The following NRXN3 variants were observed in gnomAD, a reference collection of about 807,000 sequenced individuals.
NRXN3 encodes the protein neurexin 3, also known as neurexin III.
NRXN3 carries 32 observed loss-of-function variants against 137.6 expected under a neutral mutation model. That is an observed-to-expected ratio of 0.23 (90% CI 0.18 to 0.31). The LOEUF is 0.31. NRXN3 is among the 10% of genes least tolerant of loss of function. The pLI is 1.00. For synonymous variants in NRXN3, 798 were observed against 784.5 expected (o/e 1.02, Z -0.29); for missense variants, 1,574 against 2,062.5 (o/e 0.76, Z 4.59).
intron 6 of NRXN3, among the ~76,000 whole-genome samples, chr14:78,688,553 A>G (rs186257735): frequency 1.3e-5 from 2 of 152,262 alleles, no homozygotes; most frequent in South Asian, 2.1e-4. Flanking sequence ...GTCATAGACA[A>G]CTTTTGGAAG....
chr14:79,064,779 A>G (rs11627039), intron 15 of NRXN3, among the ~76,000 whole-genome samples: 1 of 132,882 alleles, frequency 7.5e-6, no homozygotes, highest in Non-Finnish European at 1.6e-5. Context: ...GTATGTGTGT[A>G]TATATATATA....
chr14:78,190,179 T>C (rs2060583581), intron 1 of NRXN3, among the ~76,000 whole-genome samples: 1 of 152,214 alleles, frequency 6.6e-6, no homozygotes, highest in South Asian at 2.1e-4. Flanking sequence ...ATTGGGCCAC[T>C]TCTTGCCTAG....
rs1182544389 is a variant in NRXN3 at position 78,766,914 on chromosome 14, TG to T, written c.2045-36703del. 5.9e-5 allele frequency among the ~76,000 whole-genome samples: 9 copies of T among 152,350 alleles called. No homozygotes were observed. In the South Asian group the frequency reaches 6.2e-4, roughly 11 times the overall value. On this transcript the variant is annotated intron_variant, in intron 8 of 20. Transcript: ENST00000335750. ...GATGATTTACTAGGGAACATTTCTC[TG>T]GGTATCAAGGTCCTCAACACTCAGA...
At chr14:79,236,266 TG>T (rs1418080151) in intron 15 of NRXN3, among the ~76,000 whole-genome samples, 1 of 152,112 alleles carries the variant, frequency 6.6e-6, no homozygotes, top group Non-Finnish European at 1.5e-5. Context: ...TACTCAATGA[TG>T]TATTTCTAGG....
chr14:79,075,527 ACT>A (rs375762509), intron 15 of NRXN3, among the ~76,000 whole-genome samples: 16 of 151,832 alleles, frequency 1.1e-4, no homozygotes, highest in Admixed American at 2.0e-4. Context: ...GACTTTATAA[ACT>A]CTTTTTATTA....
At chr14:79,722,201 T>C (rs1244878664) in intron 19 of NRXN3, among the ~76,000 whole-genome samples, 1 of 152,070 alleles carries the variant, frequency 6.6e-6, no homozygotes, top group African/African-American at 2.4e-5. Flanking sequence ...ATCACTGCCA[T>C]TGTGTTCCTT....
intron 17 of NRXN3, among the ~76,000 whole-genome samples, chr14:79,668,563 G>A (rs2098583757): frequency 1.3e-5 from 2 of 152,060 alleles, no homozygotes; most frequent in Admixed American, 6.6e-5. Context: ...TCAGAGCCAC[G>A]ATTTTATTAA....
At chr14:78,630,995 G>A (rs1269719462) in intron 4 of NRXN3, among the ~76,000 whole-genome samples, 1 of 152,174 alleles carries the variant, frequency 6.6e-6, no homozygotes, top group Non-Finnish European at 1.5e-5. Flanking sequence ...GTGGACTGTA[G>A]AGTTTTTTGA....
intron 8 of NRXN3, among the ~76,000 whole-genome samples, chr14:78,716,476 A>G (rs934288461): frequency 6.6e-6 from 1 of 152,214 alleles, no homozygotes; most frequent in Admixed American, 6.5e-5. Context: ...CATCTATATA[A>G]TAAGCTGTAA....
intron 15 of NRXN3, among the ~76,000 whole-genome samples, chr14:79,030,027 T>C (rs979661440): frequency 3.3e-4 from 45 of 134,494 alleles, no homozygotes; most frequent in Non-Finnish European, 6.0e-5. Context: ...TTTTTCTTCT[T>C]TTTTTTTTTC....
At chr14:78,988,828 T>C (rs1290593698) in intron 15 of NRXN3, among the ~76,000 whole-genome samples, 1 of 152,156 alleles carries the variant, frequency 6.6e-6, no homozygotes. Context: ...TGAGTATATT[T>C]TATATGTATA....
chr14:78,274,927 A>G (rs2073360244), intron 2 of NRXN3, among the ~76,000 whole-genome samples: 1 of 152,148 alleles, frequency 6.6e-6, no homozygotes. Flanking sequence ...ACGTGTGTGA[A>G]TGGTAGAGCT....
intron 4 of NRXN3, among the ~76,000 whole-genome samples, chr14:78,320,500 A>C (rs1227533027): frequency 6.6e-6 from 1 of 152,118 alleles, no homozygotes; most frequent in Non-Finnish European, 1.5e-5. Flanking sequence ...TTGACTTGAG[A>C]ATACTCCAAA....
intron 14 of NRXN3, among the ~76,000 whole-genome samples, chr14:78,970,014 G>A (rs1399222716): frequency 6.6e-6 from 1 of 152,118 alleles, no homozygotes; most frequent in Non-Finnish European, 1.5e-5. Context: ...GTAGCATTTG[G>A]AATTAAATTG....
intron 15 of NRXN3, among the ~76,000 whole-genome samples, chr14:79,314,791 C>T (rs555646626): frequency 8.3e-5 from 12 of 144,908 alleles, no homozygotes; most frequent in African/African-American, 2.8e-4. Context: ...GGAGGCACCC[C>T]CCAGCAGGGG....
intron 4 of NRXN3, among the ~76,000 whole-genome samples, chr14:78,573,829 G>A (rs2096911550): frequency 6.6e-6 from 1 of 152,232 alleles, no homozygotes; most frequent in African/African-American, 2.4e-5. Flanking sequence ...ATTTGCATAA[G>A]TAATGAGGAG....
intron 16 of NRXN3, among the ~76,000 whole-genome samples, chr14:79,635,315 C>T (rs1255755880): frequency 2.6e-5 from 4 of 152,148 alleles, no homozygotes; most frequent in East Asian, 1.9e-4. Context: ...GCCTCTTGAT[C>T]GGACTTTGAT....
intron 15 of NRXN3, among the ~76,000 whole-genome samples, chr14:79,340,290 A>T (rs2092534325): frequency 6.6e-6 from 1 of 152,086 alleles, no homozygotes; most frequent in Non-Finnish European, 1.5e-5. Context: ...CTAATAATAA[A>T]ATATGACATA....
intron 11 of NRXN3, among the ~76,000 whole-genome samples, chr14:78,957,848 CTTAT>C (rs1597885172): frequency 6.6e-6 from 1 of 152,138 alleles, no homozygotes; most frequent in South Asian, 2.1e-4. Flanking sequence ...TAATTAATTA[CTTAT>C]TTAATCATTA....
Sources: allele counts gnomAD v4.1 joint callset (sites outside exome capture counted in the v4.1 genomes callset), GRCh38; gene constraint gnomAD v4.1.1; transcripts MANE v1.5; gene names NCBI Gene and HGNC (gene_info 2026-07-23, HGNC 2026-07-21).